Variants in TMEM132D observed in about 807,000 individuals in gnomAD.
TMEM132D encodes mature OL transmembrane protein.
TMEM132D carries 21 observed loss-of-function variants against 62.3 expected under a neutral mutation model. The ratio of observed to expected loss-of-function variants is 0.34; its 90% CI spans 0.24 to 0.49. The LOEUF is 0.49. Ranked by LOEUF, TMEM132D falls within the 20% of genes least tolerant of loss-of-function variation. TMEM132D has a pLI of 0.99. For missense variants in TMEM132D, 1,346 were observed against 1,402.8 expected (o/e 0.96, Z 0.65); for synonymous variants, 621 against 575.6 (o/e 1.08, Z -1.13).
chr12:129,696,095 A>G (rs1185644102), intron 2 of TMEM132D, among the ~76,000 whole-genome samples: 1 of 152,166 alleles, frequency 6.6e-6, no homozygotes, highest in Non-Finnish European at 1.5e-5. Context: ...TCAATTTCAA[A>G]CCACCATATT....
intron 5 of TMEM132D, among the ~76,000 whole-genome samples, chr12:129,205,630 A>G (rs1878827785): frequency 6.6e-6 from 1 of 152,168 alleles, no homozygotes; most frequent in Admixed American, 6.5e-5. Flanking sequence ...TAACACAGAT[A>G]TTCAGGACCT....
intron 4 of TMEM132D, among the ~76,000 whole-genome samples, chr12:129,283,254 T>G (rs924876546): frequency 2.0e-5 from 3 of 152,204 alleles, no homozygotes; most frequent in Admixed American, 6.5e-5. Context: ...AGAAATTACC[T>G]TCGACCTTCT....
chr12:129,878,554 T>C (rs1250437674), intron 1 of TMEM132D, among the ~76,000 whole-genome samples: 1 of 149,528 alleles, frequency 6.7e-6, no homozygotes, highest in Non-Finnish European at 1.5e-5. Flanking sequence ...GCCTGGGGTG[T>C]CACCCCAAGT....
chr12:129,245,950 A>G (rs550648412), intron 4 of TMEM132D, among the ~76,000 whole-genome samples: 1 of 152,308 alleles, frequency 6.6e-6, no homozygotes, highest in Admixed American at 6.5e-5. Context: ...ACTCTTGGGT[A>G]CACTTCTGGC....
At chr12:129,310,897 C>T (rs1881956579) in intron 4 of TMEM132D, among the ~76,000 whole-genome samples, 1 of 152,130 alleles carries the variant, frequency 6.6e-6, no homozygotes, top group African/African-American at 2.4e-5. Context: ...GCTTATTGAA[C>T]ATGCGAGGAA....
rs186623978 is a variant in TMEM132D, at chr12:129,601,114, G to A, written c.969-69909C>T. On this transcript the variant is annotated intron_variant, in intron 2 of 8. Transcript: ENST00000422113. ...TCAATGATTTTAACTAGATCTTCTG[G>A]AGAACTTGCTGCAGCTTCTCTGTCA... Among the ~76,000 whole-genome samples, 415 of 152,268 alleles carry A rather than the reference G, an allele frequency of 2.7e-3. 7 individuals carry two copies. Among genetic ancestry groups the A allele is most frequent in the Non-Finnish European group, 7.3e-4 (50 of 68,032 alleles).
chr12:129,168,490 T>C (rs1384492759), intron 5 of TMEM132D, among the ~76,000 whole-genome samples: 1 of 152,164 alleles, frequency 6.6e-6, no homozygotes, highest in Non-Finnish European at 1.5e-5. Flanking sequence ...GATTTTCCTA[T>C]TCTAGACATG....
chr12:129,298,353 A>G (rs1172864185), intron 4 of TMEM132D, among the ~76,000 whole-genome samples: 2 of 152,200 alleles, frequency 1.3e-5, no homozygotes, highest in African/African-American at 4.8e-5. Context: ...TCGCAATTGT[A>G]TATATTTATA....
rs1014933756 is a variant in TMEM132D at position 129,371,394 on chromosome 12, G to A, written c.1116-33577C>T. ...ATGATGGTGATGATGAATGATGATG[G>A]TGGTGATTATGATGATGATGATGGT... is the stretch of plus-strand genomic sequence containing the variant. On this transcript the variant is annotated intron_variant, in intron 3 of 8. Transcript: ENST00000422113. This position sits in a 1 kb window ranked among gnomAD's most constrained non-coding sequence, Gnocchi z 4.3. Among the ~76,000 whole-genome samples, 12 of 151,592 alleles carry A rather than the reference G, an allele frequency of 7.9e-5. No individual in the cohort carries two copies. Among genetic ancestry groups the A allele is most frequent in the Non-Finnish European group, 1.6e-4 (11 of 67,928 alleles).
intron 1 of TMEM132D, among the ~76,000 whole-genome samples, chr12:129,722,319 C>T (rs1868864156): frequency 1.5e-5 from 2 of 132,182 alleles, no homozygotes; most frequent in Admixed American, 1.6e-4. Flanking sequence ...TGGTACAAGT[C>T]GAAATGCCGA....
chr12:129,843,050 A>G (rs1194380978), intron 1 of TMEM132D, among the ~76,000 whole-genome samples: 1 of 152,222 alleles, frequency 6.6e-6, no homozygotes, highest in East Asian at 1.9e-4. Flanking sequence ...AACGTAAAAC[A>G]CAAATGAGTT....
intron 3 of TMEM132D, among the ~76,000 whole-genome samples, chr12:129,357,215 C>T (rs1251343100): frequency 2.0e-5 from 3 of 147,064 alleles, no homozygotes; most frequent in Non-Finnish European, 4.5e-5. Flanking sequence ...CCACTGCACT[C>T]CAGCCTGGGT....
chr12:129,208,181 G>A (rs1444983645), intron 5 of TMEM132D, among the ~76,000 whole-genome samples: 1 of 152,128 alleles, frequency 6.6e-6, no homozygotes, highest in Non-Finnish European at 1.5e-5. Context: ...TGAGGTGATT[G>A]TGTCTGGGAT....
chr12:129,670,996 G>A (rs1403514706), intron 2 of TMEM132D, among the ~76,000 whole-genome samples: 1 of 152,086 alleles, frequency 6.6e-6, no homozygotes, highest in Non-Finnish European at 1.5e-5. Context: ...ATTTGAATTT[G>A]CAAGCTTTTG....
Position 129,542,650 on chromosome 12 carries a change from G to A in TMEM132D, c.969-11445C>T, listed in dbSNP as rs542303330. On this transcript the variant is annotated intron_variant, in intron 2 of 8. Coordinates refer to ENST00000422113, the MANE Select transcript of TMEM132D (RefSeq NM_133448.3). ...GGATTTAAAATATATGTACACCAAT[G>A]ACAACACGCTGTACACACAGTTATA... is the stretch of plus-strand genomic sequence containing the variant. Among the ~76,000 whole-genome samples the A allele has an allele frequency of 5.9e-5, 9 of 152,122 alleles. No individual in the cohort carries two copies. The East Asian group carries it at 1.5e-3, about 26-fold the overall frequency.
intron 1 of TMEM132D, among the ~76,000 whole-genome samples, chr12:129,788,471 AT>A (rs1192027879): frequency 3.9e-5 from 6 of 152,252 alleles, no homozygotes; most frequent in African/African-American, 1.2e-4. Flanking sequence ...TTCAAAGGAA[AT>A]AATCATGATT....
intron 3 of TMEM132D, among the ~76,000 whole-genome samples, chr12:129,388,757 T>TACTA (rs1408472225): frequency 3.3e-5 from 4 of 120,422 alleles, no homozygotes; most frequent in African/African-American, 1.2e-4. Flanking sequence ...GCAACACCAA[T>TACTA]ACTAACACCA....
intron 7 of TMEM132D, among the ~76,000 whole-genome samples, chr12:129,080,934 C>T (rs767800819): frequency 1.3e-5 from 2 of 152,134 alleles, no homozygotes; most frequent in Non-Finnish European, 2.9e-5. Context: ...AAGGGGCCCA[C>T]GAGACATATG....
At chr12:129,251,522 G>A (rs538305083) in intron 4 of TMEM132D, among the ~76,000 whole-genome samples, 2 of 152,216 alleles carry the variant, frequency 1.3e-5, no homozygotes, top group East Asian at 3.9e-4. Flanking sequence ...AGGCATCTCG[G>A]CATTCAATTT....
Sources: gnomAD v4.1 joint callset for allele counts (sites outside exome capture counted in the v4.1 genomes callset) on GRCh38, gnomAD v4.1.1 for gene constraint, Gnocchi (gnomAD v3.1) non-coding constraint, MANE v1.5 for transcripts, NCBI Gene and HGNC (gene_info 2026-07-23, HGNC 2026-07-21) for gene names.